Variants in CLNS1A observed in about 807,000 individuals in gnomAD.
CLNS1A encodes methylosome subunit pICln.
In CLNS1A, 16 loss-of-function variants were observed where a neutral mutation model predicts 29.4. The ratio of observed to expected loss-of-function variants is 0.54; its 90% CI spans 0.37 to 0.83. The LOEUF (loss-of-function observed/expected upper bound fraction) is 0.83, where lower values mean the gene tolerates loss of function less well. CLNS1A is among the 40% of genes least tolerant of loss of function. The probability of loss-of-function intolerance (pLI) is 0.00; values close to 1 mark genes in which losing one functional copy is unlikely to be tolerated. For synonymous variants in CLNS1A, 96 were observed against 104.8 expected, an observed-to-expected ratio of 0.92 and a Z score of 0.51; for missense variants, 235 against 287.4, an observed-to-expected ratio of 0.82 and a Z score of 1.32.
In CLNS1A at chr11:77,637,569, G is replaced by A. The variant is rs755458019; in HGVS notation, c.125+21C>T. 10 of 1,591,268 alleles carry A rather than the reference G, an allele frequency of 6.3e-6. No homozygotes were observed. The East Asian group carries it at 2.1e-4, about 33-fold the overall frequency. On this transcript the variant is annotated intron_variant, in intron 1 of 6. Transcript: ENST00000525428. Reference sequence around the variant, plus strand: ...GGAGGGCGGCGCGCAGGAGGCCAGCGCTGGGGACCAGGAACCCTACCTCTC... The same window carrying A: ...GGAGGGCGGCGCGCAGGAGGCCAGCACTGGGGACCAGGAACCCTACCTCTC...
chr11:77,636,273 GC>G (rs1959124953), intron 1 of CLNS1A, among the ~76,000 whole-genome samples: 1 of 151,996 alleles, frequency 6.6e-6, no homozygotes, highest in African/African-American at 2.4e-5. Context: ...TCGCCATGCT[GC>G]CCAGGCTGAT....
intron 5 of CLNS1A, chr11:77,622,105 A>G: frequency 6.6e-6 from 3 of 456,680 alleles, no homozygotes; most frequent in South Asian, 3.1e-5. Flanking sequence ...TCTAGCCTCC[A>G]AAACTATGAG....
chr11:77,635,125 A>G (rs1959111538), intron 1 of CLNS1A, among the ~76,000 whole-genome samples: 2 of 152,196 alleles, frequency 1.3e-5, no homozygotes, highest in Non-Finnish European at 2.9e-5. Flanking sequence ...TTAAAAGCTG[A>G]TAAGAACTTA....
intron 5 of CLNS1A, among the ~76,000 whole-genome samples, chr11:77,621,481 T>C (rs1375032254): frequency 6.6e-6 from 1 of 152,012 alleles, no homozygotes; most frequent in African/African-American, 2.4e-5. Flanking sequence ...TTGTCTCTAC[T>C]AAAAATACAA....
At chr11:77,629,538 C>A (rs1240600157) in intron 2 of CLNS1A, among the ~76,000 whole-genome samples, 2 of 151,946 alleles carry the variant, frequency 1.3e-5, no homozygotes, top group African/African-American at 4.8e-5. Flanking sequence ...GGACTACAGG[C>A]GCCCACCACC....
intron 2 of CLNS1A, among the ~76,000 whole-genome samples, chr11:77,626,300 C>T (rs984651266): frequency 6.6e-6 from 1 of 152,072 alleles, no homozygotes; most frequent in Non-Finnish European, 1.5e-5. Flanking sequence ...CCAGGCTGGT[C>T]TGAAACTCCT....
At chr11:77,633,757 T>G (rs1959096781) in intron 1 of CLNS1A, among the ~76,000 whole-genome samples, 9 of 152,220 alleles carry the variant, frequency 5.9e-5, no homozygotes, top group Admixed American at 5.9e-4. Flanking sequence ...TGTTTTAAAC[T>G]GTCTATTTTA....
At chr11:77,624,391 C>T (rs1958993955) in intron 4 of CLNS1A, among the ~76,000 whole-genome samples, 1 of 152,198 alleles carries the variant, frequency 6.6e-6, no homozygotes, top group Non-Finnish European at 1.5e-5. Flanking sequence ...ACTTCCCTAT[C>T]TACCATTTTC....
chr11:77,622,267 C>T (rs988618948), intron 5 of CLNS1A, among the ~76,000 whole-genome samples: 17 of 152,002 alleles, frequency 1.1e-4, no homozygotes, highest in African/African-American at 3.9e-4. Context: ...TACTTTCTTG[C>T]GCACATTAAA....
At chr11:77,619,424 T>C (rs372325006) in intron 6 of CLNS1A, 182 bp downstream of exon 6, 9 of 558,058 alleles carry the variant, frequency 1.6e-5, no homozygotes, top group South Asian at 1.3e-4. Context: ...CCCAGCTATT[T>C]GGGAGGGTGA....
chr11:77,619,733 A>G (rs1042650856), intron 5 of CLNS1A, 38 bp from the exon 6 acceptor site: 1 of 1,336,090 alleles, frequency 7.5e-7, no homozygotes, highest in Admixed American at 1.7e-5. Context: ...ATCCCTATGA[A>G]CACTTCAGAC....
intron 1 of CLNS1A, among the ~76,000 whole-genome samples, chr11:77,635,245 G>GA (rs1379444480): frequency 1.3e-5 from 2 of 149,214 alleles, no homozygotes. Context: ...AAATGGCTCA[G>GA]AAAAAAAAGA....
At chr11:77,625,469 C>T (rs1205631143) in intron 3 of CLNS1A, 2 of 487,388 alleles carry the variant, frequency 4.1e-6, no homozygotes, top group African/African-American at 3.9e-5. Flanking sequence ...TAAAACTAAC[C>T]AGAGTCCACT....
intron 1 of CLNS1A, among the ~76,000 whole-genome samples, chr11:77,635,053 C>T (rs1410650548): frequency 6.6e-6 from 1 of 152,170 alleles, no homozygotes; most frequent in African/African-American, 2.4e-5. Context: ...GATCTGCTCA[C>T]CTTGGCCTTC....
intron 4 of CLNS1A, among the ~76,000 whole-genome samples, chr11:77,624,374 A>C (rs1405732318): frequency 6.6e-6 from 1 of 152,086 alleles, no homozygotes. Context: ...GACTTTCCTG[A>C]CCATCCACTT....
rs762879048 is a variant in CLNS1A at position 77,625,836 on chromosome 11, CT to C, written c.263-19del. ...TGATTCTTCTAGAAAATAAAATACC[CT>C]TTTAATGTCATTATTTGACTTTAAA... On this transcript the variant is annotated intron_variant, in intron 2 of 6. Transcript: ENST00000525428. 5.1e-5 allele frequency: 77 copies of C among 1,511,626 alleles called. No homozygotes were observed. The highest frequency in any genetic ancestry group is 7.0e-5 in the Non-Finnish European group (77 of 1,100,924). The allele number at this position is 1,511,626 out of a possible 1,614,324, so 93.6% of individuals were successfully genotyped here. A position where few individuals can be genotyped will look rare whatever the true frequency, so the allele number is the denominator to read the frequency against.
In CLNS1A at chr11:77,623,875, G is replaced by C. The variant is rs78555955; in HGVS notation, c.472+1088C>G. Among the ~76,000 whole-genome samples the C allele has an allele frequency of 5.6e-3, 847 of 152,320 alleles. 14 individuals carry two copies. Among genetic ancestry groups the C allele is most frequent in the African/African-American group, 0.019 (799 of 41,564 alleles). The stretch of plus-strand genomic sequence containing the variant: ...CACGCTAGTGACTGCATTCTGGTCT[G>C]GGGGAGGCAATCGGAAAGGGCTCTT... On this transcript the variant is annotated intron_variant, in intron 4 of 6. Coordinates refer to ENST00000525428, the MANE Select transcript of CLNS1A (RefSeq NM_001293.3).
intron 1 of CLNS1A, among the ~76,000 whole-genome samples, chr11:77,633,258 T>A (rs1295715059): frequency 6.6e-6 from 1 of 152,206 alleles, no homozygotes; most frequent in Admixed American, 6.5e-5. Context: ...AGGCCAGACA[T>A]GCTGCCATTA....
chr11:77,623,590 T>TA (rs57519585), intron 4 of CLNS1A, among the ~76,000 whole-genome samples: 2,125 of 134,708 alleles, frequency 0.016, 22 homozygotes, highest in Non-Finnish European at 0.021. Flanking sequence ...AGACCCTGTT[T>TA]AAAAAAAAAA....
Sources: allele counts gnomAD v4.1 joint callset (sites outside exome capture counted in the v4.1 genomes callset), GRCh38; gene constraint gnomAD v4.1.1; transcripts MANE v1.5; gene names NCBI Gene and HGNC (gene_info 2026-07-23, HGNC 2026-07-21).